TNRC6B: variants seen among roughly 807,000 people sequenced by gnomAD.
TNRC6B encodes the protein trinucleotide repeat containing adaptor 6B.
In TNRC6B, 52 loss-of-function variants were observed where a neutral mutation model predicts 203.6. The ratio of observed to expected loss-of-function variants is 0.26; its 90% CI spans 0.20 to 0.32. TNRC6B has a LOEUF of 0.32. TNRC6B is among the 10% of genes least tolerant of loss of function. The pLI, the probability that TNRC6B is intolerant of heterozygous loss-of-function variation, is 1.00. For missense variants in TNRC6B, 1,923 were observed against 2,286.2 expected, an observed-to-expected ratio of 0.84 and a Z score of 3.24; for synonymous variants, 838 against 845.7, an observed-to-expected ratio of 0.99 and a Z score of 0.16.
upstream of TNRC6B, among the ~76,000 whole-genome samples, chr22:40,176,950 C>T (rs771718150): frequency 6.6e-6 from 1 of 152,100 alleles, no homozygotes; most frequent in Non-Finnish European, 1.5e-5. Flanking sequence ...GCCCAATCTC[C>T]GCCGGCTACC....
intron 12 of TNRC6B, among the ~76,000 whole-genome samples, chr22:40,291,853 T>G (rs1044008562): frequency 1.2e-4 from 18 of 152,226 alleles, no homozygotes; most frequent in Admixed American, 3.9e-4. Flanking sequence ...GATTTTATAT[T>G]CCTTTTGACC....
rs751736544 is a variant in TNRC6B, at chr22:40,323,065, AGCAGCAGCGCTGGTG to A, written c.5336_5350del (p.Ala1779_Ser1783del). The A allele has an allele frequency of 3.7e-6, 6 of 1,603,214 alleles. No individual in the cohort carries two copies. Among genetic ancestry groups the A allele is most frequent in the African/African-American group, 2.7e-5 (2 of 74,722 alleles). On this transcript the variant is annotated inframe_deletion, in exon 23 of 23. Coordinates refer to ENST00000454349, the MANE Select transcript of TNRC6B (RefSeq NM_001162501.2). ...TGGGTCCACTGGGCTCGGGCAGTGGAGCAGCAGCGCTGGTGGCAGCAGCGGGGCCGATCTTGCTGG... is the reference window on the plus strand; with the variant it reads ...TGGGTCCACTGGGCTCGGGCAGTGGAGCAGCAGCGGGGCCGATCTTGCTGG...
intron 3 of TNRC6B, among the ~76,000 whole-genome samples, chr22:40,258,030 A>G (rs2070308474): frequency 6.6e-6 from 1 of 150,872 alleles, no homozygotes; most frequent in Non-Finnish European, 1.5e-5. Flanking sequence ...CAAACAAAAA[A>G]AGAAGTAAAT....
At chr22:40,127,226 CTT>C (rs891183368) in intron 3 of TNRC6B, among the ~76,000 whole-genome samples, 3 of 152,290 alleles carry the variant, frequency 2.0e-5, no homozygotes, top group South Asian at 2.1e-4. Context: ...GAAAACAACT[CTT>C]TCCATTTCTT....
intron 2 of TNRC6B, among the ~76,000 whole-genome samples, chr22:40,248,553 A>T (rs901335029): frequency 9.2e-5 from 14 of 152,220 alleles, no homozygotes; most frequent in Non-Finnish European, 7.3e-5. Flanking sequence ...ATGCCTCTGT[A>T]ATATGCCTTT....
intron 3 of TNRC6B, among the ~76,000 whole-genome samples, chr22:40,152,500 T>C (rs1278973750): frequency 1.3e-5 from 2 of 152,144 alleles, no homozygotes; most frequent in Admixed American, 6.5e-5. Flanking sequence ...CTAATTTTTT[T>C]TGTATTTTTA....
At chr22:40,255,289 C>T (rs1034467535) in intron 3 of TNRC6B, among the ~76,000 whole-genome samples, 4 of 152,182 alleles carry the variant, frequency 2.6e-5, no homozygotes, top group African/African-American at 9.7e-5. Flanking sequence ...TTGTCCTTTG[C>T]CACTGGGACA....
rs201391348 is a variant in TNRC6B, at chr22:40,132,370, AAGACG to A, written c.45+6519_45+6523del. Among the ~76,000 whole-genome samples the A allele has an allele frequency of 1.0e-4, 15 of 150,310 alleles. 1 individual carries two copies. The highest frequency in any genetic ancestry group is 2.1e-4 in the South Asian group (1 of 4,756). On this transcript the variant is annotated intron_variant, in intron 3 of 23. Coordinates refer to the TNRC6B transcript ENST00000301923. Reference sequence around the variant, plus strand: ...GACAGTGTGAAACTCCATCTCAATAAAGACGAGACGAGACGGGACGGGACGGGACG... The same window carrying A: ...GACAGTGTGAAACTCCATCTCAATAAAGACGAGACGGGACGGGACGGGACG...
intron 4 of TNRC6B, among the ~76,000 whole-genome samples, chr22:40,163,834 T>A (rs934169254): frequency 6.2e-4 from 94 of 152,178 alleles, no homozygotes; most frequent in African/African-American, 2.1e-3. Flanking sequence ...TTTATTTTTT[T>A]ATTTTATTTA....
intron 1 of TNRC6B, among the ~76,000 whole-genome samples, chr22:40,057,586 CAGA>C (rs2067811043): frequency 6.6e-6 from 1 of 151,970 alleles, no homozygotes; most frequent in Admixed American, 6.6e-5. Context: ...CTGCCTGGCC[CAGA>C]ATTTTCATAA....
chr22:40,330,291 A>G lies in TNRC6B; in HGVS notation c.*7050A>G, dbSNP rs2071451124. On this transcript the variant is annotated 3_prime_UTR_variant, in exon 23 of 23. Transcript: ENST00000454349. ...TGATGCTGTTGTAGCAGAGCTGTGA[A>G]AGGAAGTGCTTTGCTTTCTCTCCCG... 1 of 152,232 alleles carries G rather than the reference A, an allele frequency of 6.6e-6. No homozygotes were observed. The highest frequency in any genetic ancestry group is 2.4e-5 in the African/African-American group (1 of 41,450). 9.4% of individuals were successfully genotyped at this position (152,232 alleles called of 1,614,324 possible). A position where few individuals can be genotyped will look rare whatever the true frequency, so the allele number is the denominator to read the frequency against.
intron 6 of TNRC6B, 82 bp from the exon 7 acceptor site, chr22:40,273,343 A>G (rs902468594): frequency 2.3e-6 from 3 of 1,296,082 alleles, no homozygotes; most frequent in Non-Finnish European, 3.1e-6. Context: ...AGACACGTAA[A>G]TGCTGCATCT....
chr22:40,094,355 T>C (rs2068171721), intron 1 of TNRC6B, among the ~76,000 whole-genome samples: 1 of 152,218 alleles, frequency 6.6e-6, no homozygotes, highest in African/African-American at 2.4e-5. Flanking sequence ...GTAAAATCTG[T>C]CCAGATTTCA....
At chr22:40,236,852 A>G (rs1487887421) in intron 1 of TNRC6B, among the ~76,000 whole-genome samples, 1 of 151,940 alleles carries the variant, frequency 6.6e-6, no homozygotes, top group Non-Finnish European at 1.5e-5. Flanking sequence ...ATTGGTCATG[A>G]CTCTAGTTTG....
At chr22:40,057,323 C>A (rs1330070860) in intron 1 of TNRC6B, among the ~76,000 whole-genome samples, 6 of 119,210 alleles carry the variant, frequency 5.0e-5, no homozygotes, top group Non-Finnish European at 9.9e-5. Context: ...GACAGAGTTT[C>A]GCTCTTGTTG....
At chr22:40,087,272 G>A (rs1287744730) in intron 1 of TNRC6B, among the ~76,000 whole-genome samples, 2 of 152,166 alleles carry the variant, frequency 1.3e-5, no homozygotes, top group Non-Finnish European at 2.9e-5. Flanking sequence ...GAAGACTCTG[G>A]AATGTAGAAA....
chr22:40,111,631 A>G (rs1453746396), intron 1 of TNRC6B, among the ~76,000 whole-genome samples: 1 of 152,176 alleles, frequency 6.6e-6, no homozygotes, highest in Non-Finnish European at 1.5e-5. Context: ...CAGTATTCCC[A>G]AGTGAGGCAG....
chr22:40,218,803 A>G (rs376848488), intron 1 of TNRC6B, among the ~76,000 whole-genome samples: 8 of 152,362 alleles, frequency 5.3e-5, no homozygotes, highest in East Asian at 1.9e-4. Flanking sequence ...AGCGAGTACA[A>G]GTCTCTTCAG....
rs558491279 is a variant in TNRC6B, at chr22:40,102,754, C to T, written c.-120-14301C>T. On this transcript the variant is annotated intron_variant, in intron 1 of 23. Transcript: ENST00000301923. ...GGAGTTAAGAGACCAGCCTGGGCAA[C>T]ACAGCTAGACCCCATCTCTAAAAAA... is the stretch of plus-strand genomic sequence containing the variant. Among the ~76,000 whole-genome samples the T allele has an allele frequency of 8.6e-5, 13 of 151,902 alleles. No homozygotes were observed. The East Asian group carries it at 1.7e-3, about 20-fold the overall frequency.
Sources: allele counts gnomAD v4.1 joint callset (sites outside exome capture counted in the v4.1 genomes callset), GRCh38; gene constraint gnomAD v4.1.1; transcripts MANE v1.5; gene names NCBI Gene and HGNC (gene_info 2026-07-23, HGNC 2026-07-21).